VAV2: variants seen among roughly 807,000 people sequenced by gnomAD.
VAV2 encodes vav guanine nucleotide exchange factor 2.
In VAV2, 67 loss-of-function variants were observed where a neutral mutation model predicts 132.5. That is an observed-to-expected ratio of 0.51 (90% confidence interval 0.42 to 0.62). The LOEUF is 0.62. Ranked by LOEUF, VAV2 falls within the 20% of genes least tolerant of loss-of-function variation. The pLI is 0.00. For synonymous variants in VAV2, 492 were observed against 443.5 expected (o/e 1.11, Z -1.37); for missense variants, 938 against 1,153.6 (o/e 0.81, Z 2.71).
chr9:133,776,840 C>G (rs769591039), intron 23 of VAV2, among the ~76,000 whole-genome samples: 9 of 152,178 alleles, frequency 5.9e-5, no homozygotes, highest in Non-Finnish European at 1.3e-4. Flanking sequence ...AGGTTCCACG[C>G]TCTCACTCTG....
chr9:133,783,427 C>T lies in VAV2; in HGVS notation c.1723+76G>A, dbSNP rs1386909876. 8 of 1,444,694 alleles carry T rather than the reference C, an allele frequency of 5.5e-6. No individual in the cohort carries two copies. In the East Asian group the frequency reaches 1.1e-4, roughly 21 times the overall value. The allele number at this position is 1,444,694 out of a possible 1,614,324, so 89.5% of individuals were successfully genotyped here. ...CCCGTGGGAGATGGTGCCCGAGGCC[C>T]GTACCCAGGTGGTAGGGGGCAGAAG... On this transcript the variant is annotated intron_variant, in intron 19 of 29. Coordinates refer to ENST00000371850, the MANE Select transcript of VAV2 (RefSeq NM_001134398.2).
intron 1 of VAV2, among the ~76,000 whole-genome samples, chr9:133,980,710 C>T (rs967498499): frequency 1.3e-5 from 2 of 152,214 alleles, no homozygotes; most frequent in Non-Finnish European, 2.9e-5. Context: ...CTGCAGTGAG[C>T]GGCAGCCGCT....
chr9:133,873,055 G>A (rs900640426), intron 2 of VAV2, among the ~76,000 whole-genome samples: 5 of 142,954 alleles, frequency 3.5e-5, no homozygotes, highest in African/African-American at 1.3e-4. Flanking sequence ...GGAGGTTGCA[G>A]TGAGCCAAGC....
intron 26 of VAV2, among the ~76,000 whole-genome samples, chr9:133,771,047 G>A (rs947672173): frequency 4.0e-5 from 6 of 150,272 alleles, no homozygotes; most frequent in African/African-American, 1.5e-4. Flanking sequence ...AGGTGGGGAT[G>A]GGATTATGGA....
At chr9:133,923,677 A>G (rs1840373240) in intron 2 of VAV2, among the ~76,000 whole-genome samples, 1 of 152,216 alleles carries the variant, frequency 6.6e-6, no homozygotes, top group Admixed American at 6.5e-5. Context: ...TGCTACTATA[A>G]AGACACATGC....
At chr9:133,779,510 A>G (rs1209603802) in intron 21 of VAV2, among the ~76,000 whole-genome samples, 1 of 152,278 alleles carries the variant, frequency 6.6e-6, no homozygotes, top group Non-Finnish European at 1.5e-5. Context: ...AAGTTTGCAG[A>G]GAACACGATG....
At chr9:133,989,339 C>CAAAA (rs34368097) in intron 1 of VAV2, among the ~76,000 whole-genome samples, 19 of 107,260 alleles carry the variant, frequency 1.8e-4, no homozygotes, top group African/African-American at 6.6e-4. Flanking sequence ...AACTCCATCT[C>CAAAA]AAAAAAAAAA....
intron 9 of VAV2, among the ~76,000 whole-genome samples, chr9:133,805,223 G>A (rs935090155): frequency 4.6e-5 from 7 of 152,134 alleles, no homozygotes; most frequent in African/African-American, 1.7e-4. Flanking sequence ...AGATGCACCT[G>A]TGGGGTCTTC....
rs1841038189 is a variant in VAV2 at position 133,939,165 on chromosome 9, C to T, written c.259G>A (p.Gly87Arg). ...TCAAACAGCTCGCTGTTCCTTAATC[C>T]AAATTTATCGTGGCAGACTTTCAGG... ...TFLKVCHDKF[G>R]LRNSELFDPF... Residue 87 changes from glycine (G) to arginine (R), a missense_variant, in exon 2 of 30, where the codon GGA (glycine) becomes AGA (arginine). By Grantham distance (125) the Gly-to-Arg change is moderately radical. Transcript: ENST00000371850. The T allele has an allele frequency of 6.2e-7, 1 of 1,614,230 alleles. No individual in the cohort carries two copies. Among genetic ancestry groups the T allele is most frequent in the Admixed American group, 1.7e-5 (1 of 60,030 alleles).
intron 2 of VAV2, among the ~76,000 whole-genome samples, chr9:133,886,155 C>T (rs1838695495): frequency 6.6e-6 from 1 of 152,146 alleles, no homozygotes; most frequent in East Asian, 1.9e-4. Flanking sequence ...GGAAGGAGCA[C>T]CCATGTGGGA....
intron 11 of VAV2, 96 bp from the exon 12 acceptor site, chr9:133,795,832 T>C (rs1174645309): frequency 7.1e-7 from 1 of 1,399,550 alleles, no homozygotes; most frequent in Non-Finnish European, 9.8e-7. Flanking sequence ...CAGAACCAAG[T>C]CCTCAGAAGA....
chr9:133,965,391 A>G (rs934552508), intron 1 of VAV2, among the ~76,000 whole-genome samples: 1 of 151,302 alleles, frequency 6.6e-6, no homozygotes, highest in Non-Finnish European at 1.5e-5. Flanking sequence ...CCCAGCTACT[A>G]GGGAGGCTGA....
At position 133,807,286 on chromosome 9, in the gene VAV2, T is replaced by C. The variant is rs759066470; in HGVS notation, c.707A>G (p.Asp236Gly). ...CAGGTTAATGAAGACAGCTGCCATG[T>C]CCGCCGGGCTCAGCACCAGCCGCAG... ...SPLRLVLSPADMAAVFINLED... is the reference protein window; with the variant it reads ...SPLRLVLSPAGMAAVFINLED... Residue 236 changes from aspartate to glycine, a missense_variant, in exon 8 of 30, where the codon GAC (aspartate) becomes GGC (glycine). Asp to Gly is a moderately conservative substitution (Grantham distance 94). Transcript: ENST00000371850. 1.2e-6 allele frequency: 2 copies of C among 1,611,190 alleles called. No homozygotes were observed. The highest frequency in any genetic ancestry group is 8.5e-7 in the Non-Finnish European group (1 of 1,179,362).
chr9:133,842,962 C>T (rs1233599978), intron 3 of VAV2, among the ~76,000 whole-genome samples: 1 of 152,222 alleles, frequency 6.6e-6, no homozygotes, highest in Non-Finnish European at 1.5e-5. Flanking sequence ...GTGCCGCCTT[C>T]TAATTGGCAG....
chr9:133,804,957 A>G lies in VAV2; in HGVS notation c.836+1124T>C, dbSNP rs537360876. Among the ~76,000 whole-genome samples, 1 of 152,144 alleles carries G rather than the reference A, an allele frequency of 6.6e-6. No homozygotes were observed. The highest frequency in any genetic ancestry group is 2.4e-5 in the African/African-American group (1 of 41,516). ...ACCCTCCAAGCCATGGCCCCTGGAG[A>G]GCAGGCTCCAGGACCCTCCTCACAG... is the stretch of plus-strand genomic sequence containing the variant. On this transcript the variant is annotated intron_variant, in intron 9 of 29. Transcript: ENST00000371850. The surrounding 1 kb of genome is among the most constrained non-coding windows in gnomAD (Gnocchi z 4.5).
At position 133,884,765 on chromosome 9, in the gene VAV2, C is replaced by T. The variant is rs1399302620; in HGVS notation, c.322-23333G>A. Among the ~76,000 whole-genome samples, 8 of 152,224 alleles carry T rather than the reference C, an allele frequency of 5.3e-5. No individual in the cohort carries two copies. Among genetic ancestry groups the T allele is most frequent in the South Asian group, 2.1e-4 (1 of 4,834 alleles). ...ACTCAAAACACACGGATAAGCTTGA[C>T]GGCTCCGTGAGAATGCTGGTAGGGA... On this transcript the variant is annotated intron_variant, in intron 2 of 29. Transcript: ENST00000371850. This position sits in a 1 kb window ranked among gnomAD's most constrained non-coding sequence, Gnocchi z 5.3.
At chr9:133,910,073 G>A (rs1564457484) in intron 2 of VAV2, among the ~76,000 whole-genome samples, 1 of 152,192 alleles carries the variant, frequency 6.6e-6, no homozygotes, top group African/African-American at 2.4e-5. Flanking sequence ...AGTGACTGGA[G>A]CTTCTGAAAA....
chr9:133,803,107 C>T (rs966369158), intron 9 of VAV2, among the ~76,000 whole-genome samples: 2 of 152,114 alleles, frequency 1.3e-5, no homozygotes, highest in African/African-American at 4.8e-5. Flanking sequence ...ATCCACAGGG[C>T]AGCCTCACTC....
intron 2 of VAV2, among the ~76,000 whole-genome samples, chr9:133,907,347 C>A (rs551015914): frequency 6.6e-6 from 1 of 152,250 alleles, no homozygotes; most frequent in South Asian, 2.1e-4. Flanking sequence ...AGGCCCCTCC[C>A]GGATGCCGGT....
Sources: gnomAD v4.1 joint callset for allele counts (sites outside exome capture counted in the v4.1 genomes callset) on GRCh38, gnomAD v4.1.1 for gene constraint, Gnocchi (gnomAD v3.1) non-coding constraint, MANE v1.5 for transcripts, NCBI Gene and HGNC (gene_info 2026-07-23, HGNC 2026-07-21) for gene names.